SLC6A2: variants seen among roughly 807,000 people sequenced by gnomAD.
SLC6A2 encodes sodium-dependent noradrenaline transporter.
A neutral mutation model predicts 71.7 loss-of-function variants in SLC6A2; 26 were observed. The observed-to-expected ratio is 0.36, with a 90% confidence interval of 0.27 to 0.50. SLC6A2 has a LOEUF of 0.50. Among genes scored for constraint, SLC6A2 ranks in the 20% least tolerant of loss-of-function variants. The pLI is 0.96. For missense variants in SLC6A2, 581 were observed against 803.9 expected, an observed-to-expected ratio of 0.72 and a Z score of 3.35; for synonymous variants, 363 against 337.9, an observed-to-expected ratio of 1.07 and a Z score of -0.82.
chr16:55,670,975 T>C (rs1389813462), intron 3 of SLC6A2, among the ~76,000 whole-genome samples: 1 of 152,158 alleles, frequency 6.6e-6, no homozygotes, highest in Non-Finnish European at 1.5e-5. Flanking sequence ...GCTATAGAAC[T>C]ACCCCTAAAG....
chr16:55,669,078 G>A (rs1964831466), intron 2 of SLC6A2, among the ~76,000 whole-genome samples: 1 of 152,158 alleles, frequency 6.6e-6, no homozygotes, highest in East Asian at 1.9e-4. Flanking sequence ...GTGATAGGAT[G>A]CCAGCAAAAT....
chr16:55,693,206 G>C (rs531478336), intron 6 of SLC6A2, among the ~76,000 whole-genome samples: 1 of 152,252 alleles, frequency 6.6e-6, no homozygotes, highest in South Asian at 2.1e-4. Flanking sequence ...GGCCAACATG[G>C]GGAAACCCCG....
At position 55,706,129 on chromosome 16, in the gene SLC6A2, A is replaced by G. The variant is rs1428090052; in HGVS notation, c.*3783A>G. Reference sequence around the variant, plus strand: ...ATTTCTGTGTCTGATATGGATTTTAAAAGTTGTTCTCTTTGTGGAATATAA... The same window carrying G: ...ATTTCTGTGTCTGATATGGATTTTAGAAGTTGTTCTCTTTGTGGAATATAA... On this transcript the variant is annotated 3_prime_UTR_variant, in exon 15 of 15. Transcript: ENST00000568943. 6.6e-6 allele frequency: 1 copy of G among 152,246 alleles called. No homozygotes were observed. Among genetic ancestry groups the G allele is most frequent in the Non-Finnish European group, 1.5e-5 (1 of 68,052 alleles). The allele number at this position is 152,246 out of a possible 1,614,324, so 9.4% of individuals were successfully genotyped here. A position where few individuals can be genotyped will look rare whatever the true frequency, so the allele number is the denominator to read the frequency against.
chr16:55,675,794 T>C (rs1240779883), intron 4 of SLC6A2, among the ~76,000 whole-genome samples: 2 of 152,080 alleles, frequency 1.3e-5, no homozygotes, highest in Admixed American at 6.6e-5. Context: ...AAAAAACATA[T>C]TCACAAACAA....
At chr16:55,685,390 A>G in intron 5 of SLC6A2, 109 bp downstream of exon 5, 1 of 1,196,088 alleles carries the variant, frequency 8.4e-7, no homozygotes, top group South Asian at 1.2e-5. Flanking sequence ...TGGAGCTGGA[A>G]GTGCAAGGCC....
chr16:55,671,456 C>T (rs1204044357), intron 3 of SLC6A2, among the ~76,000 whole-genome samples: 3 of 152,168 alleles, frequency 2.0e-5, no homozygotes, highest in African/African-American at 7.2e-5. Flanking sequence ...TAGCACGTTT[C>T]CTCAATCCCC....
chr16:55,663,100 G>C (rs1401524444), intron 2 of SLC6A2, among the ~76,000 whole-genome samples: 4 of 152,092 alleles, frequency 2.6e-5, no homozygotes, highest in Non-Finnish European at 5.9e-5. Flanking sequence ...TATAAATCAG[G>C]GTTCCCCCCA....
chr16:55,667,788 CA>C (rs11397477), intron 2 of SLC6A2, among the ~76,000 whole-genome samples: 30,293 of 152,128 alleles, frequency 0.2, 3,212 homozygotes, highest in African/African-American at 0.27. Flanking sequence ...TGATCCTATT[CA>C]GACTCATGTC....
At chr16:55,696,841 G>A (rs930085914) in intron 9 of SLC6A2, among the ~76,000 whole-genome samples, 1 of 152,092 alleles carries the variant, frequency 6.6e-6, no homozygotes, top group Non-Finnish European at 1.5e-5. Context: ...AAAATTAGCT[G>A]AGCATGGTGT....
chr16:55,702,683 G>T lies in SLC6A2; in HGVS notation c.*337G>T. 1 of 1,225,678 alleles carries T rather than the reference G, an allele frequency of 8.2e-7. No individual in the cohort carries two copies. Among genetic ancestry groups the T allele is most frequent in the Non-Finnish European group, 1.0e-6 (1 of 976,480 alleles). The allele number at this position is 1,225,678 out of a possible 1,614,324, so 75.9% of individuals were successfully genotyped here. Reference sequence around the variant, plus strand: ...TCCCCACCACATTTGCCTAGACTTTGGGCACAGGAGTTCTTAGTCCACCAA... The same window carrying T: ...TCCCCACCACATTTGCCTAGACTTTTGGCACAGGAGTTCTTAGTCCACCAA... On this transcript the variant is annotated 3_prime_UTR_variant, in exon 15 of 15. Transcript: ENST00000568943.
intron 5 of SLC6A2, among the ~76,000 whole-genome samples, chr16:55,685,688 A>G (rs962980375): frequency 6.6e-6 from 1 of 152,216 alleles, no homozygotes; most frequent in Non-Finnish European, 1.5e-5. Flanking sequence ...GAATATGACC[A>G]TAAAATCAAT....
At chr16:55,698,065 G>A (rs760137456) in intron 10 of SLC6A2, 40 bp downstream of exon 10, 6 of 1,608,420 alleles carry the variant, frequency 3.7e-6, no homozygotes, top group Non-Finnish European at 4.3e-6. Context: ...GGGGGCCTCT[G>A]AGGCCGCATT....
At chr16:55,690,922 G>C (rs567662486) in intron 5 of SLC6A2, among the ~76,000 whole-genome samples, 1 of 152,170 alleles carries the variant, frequency 6.6e-6, no homozygotes, top group East Asian at 1.9e-4. Context: ...TGGACAAGGG[G>C]ATGGGGTGTT....
intron 2 of SLC6A2, among the ~76,000 whole-genome samples, chr16:55,666,046 T>C (rs1411734816): frequency 3.9e-5 from 6 of 152,236 alleles, no homozygotes; most frequent in South Asian, 2.1e-4. Flanking sequence ...TGCATGCATA[T>C]GGTTTTTGGA....
chr16:55,696,869 AG>A (rs1357718593), intron 9 of SLC6A2, among the ~76,000 whole-genome samples: 1 of 152,166 alleles, frequency 6.6e-6, no homozygotes, highest in Non-Finnish European at 1.5e-5. Context: ...CTGTAGCCCT[AG>A]CTACTCAGGA....
In SLC6A2 at chr16:55,697,886, G is replaced by T. The variant is rs748814592; in HGVS notation, c.1261-11G>T. On this transcript the variant is annotated splice_polypyrimidine_tract_variant and intron_variant, in intron 9 of 14. Coordinates refer to ENST00000568943, the MANE Select transcript of SLC6A2 (RefSeq NM_001172501.3). Reference sequence around the variant, plus strand: ...TAATTCCTGCACCCCACCCCTCCTGGTTCCCTCCAGATGGGAGGCATGGAG... The same window carrying T: ...TAATTCCTGCACCCCACCCCTCCTGTTTCCCTCCAGATGGGAGGCATGGAG... The T allele has an allele frequency of 1.2e-6, 2 of 1,613,910 alleles. No individual in the cohort carries two copies. The highest frequency in any genetic ancestry group is 1.7e-6 in the Non-Finnish European group (2 of 1,179,978).
chr16:55,665,310 C>T (rs1360485878), intron 2 of SLC6A2, among the ~76,000 whole-genome samples: 1 of 152,150 alleles, frequency 6.6e-6, no homozygotes, highest in African/African-American at 2.4e-5. Context: ...GCCTTGTCTC[C>T]TGACTAAAGT....
Position 55,685,239 on chromosome 16 carries a change from C to T in SLC6A2, c.741C>T (p.Val247=). ...LLLCLMVVVI[V]LYFSLWKGVK... ...TCTGTCTGATGGTCGTCGTCATCGT[C>T]TTGTATTTTAGCCTCTGGAAAGGGG... The change falls in exon 5 of 15, where the codon GTC becomes GTT. Residue 247 remains valine, a synonymous_variant. Transcript: ENST00000568943. 4 of 1,614,146 alleles carry T rather than the reference C, an allele frequency of 2.5e-6. No homozygotes were observed. Among genetic ancestry groups the T allele is most frequent in the Non-Finnish European group, 3.4e-6 (4 of 1,179,974 alleles).
At chr16:55,694,185 C>T in intron 7 of SLC6A2, 72 bp downstream of exon 7, 1 of 1,105,658 alleles carries the variant, frequency 9.0e-7, no homozygotes, top group South Asian at 1.2e-5. Flanking sequence ...GCAGAGAGGG[C>T]TCTGGTCTGG....
Sources: gnomAD v4.1 joint callset for allele counts (sites outside exome capture counted in the v4.1 genomes callset) on GRCh38, gnomAD v4.1.1 for gene constraint, MANE v1.5 for transcripts, NCBI Gene and HGNC (gene_info 2026-07-23, HGNC 2026-07-21) for gene names.